Variants in LINGO1 observed in about 807,000 individuals in gnomAD.
The protein encoded by LINGO1 is leucine-rich repeat and immunoglobulin-like domain-containing nogo receptor-interacting protein 1.
In LINGO1, 11 loss-of-function variants were observed where a neutral mutation model predicts 37.3. The ratio of observed to expected loss-of-function variants is 0.29; its 90% confidence interval spans 0.19 to 0.49. The LOEUF is 0.49. LINGO1 is among the 20% of genes least tolerant of loss of function. The probability of loss-of-function intolerance (pLI) is 0.99; values close to 1 mark genes in which losing one functional copy is unlikely to be tolerated. For missense variants in LINGO1, 585 were observed against 878.2 expected (o/e 0.67, Z 4.22); for synonymous variants, 387 against 403.0 (o/e 0.96, Z 0.48).
In LINGO1 at chr15:77,810,417, G is replaced by A. The variant is rs563986038; in HGVS notation, c.-458+9841C>T. On this transcript the variant is annotated intron_variant, in intron 1 of 5. Transcript: ENST00000562933. Reference sequence around the variant, plus strand: ...CAGCGAGGAGGGCAGACTCTAATAGGGGAATCCTAGGCCCATCCCCCAGGA... The same window carrying A: ...CAGCGAGGAGGGCAGACTCTAATAGAGGAATCCTAGGCCCATCCCCCAGGA... 3.4e-4 allele frequency among the ~76,000 whole-genome samples: 52 copies of A among 152,246 alleles called. 1 individual carries two copies. Among genetic ancestry groups the A allele is most frequent in the African/African-American group, 1.2e-3 (48 of 41,552 alleles).
intron 1 of LINGO1, among the ~76,000 whole-genome samples, chr15:77,759,734 C>T (rs1238531849): frequency 3.3e-5 from 5 of 152,252 alleles, no homozygotes; most frequent in Non-Finnish European, 7.3e-5. Flanking sequence ...TGCCAGTTTA[C>T]ATGGGGGCGT....
chr15:77,725,602 A>C (rs2141321423), intron 2 of LINGO1, among the ~76,000 whole-genome samples: 1 of 152,286 alleles, frequency 6.6e-6, no homozygotes, highest in South Asian at 2.1e-4. Flanking sequence ...ATCTTGTTTA[A>C]CCCTCACAAC....
intron 1 of LINGO1, among the ~76,000 whole-genome samples, chr15:77,769,557 C>A (rs1028458566): frequency 1.3e-5 from 2 of 152,144 alleles, no homozygotes; most frequent in Non-Finnish European, 2.9e-5. Context: ...TCCAGCCATA[C>A]CCCAGGTTGA....
intron 1 of LINGO1, among the ~76,000 whole-genome samples, chr15:77,806,088 G>T (rs1387437949): frequency 2.0e-5 from 3 of 152,172 alleles, no homozygotes; most frequent in Non-Finnish European, 4.4e-5. Flanking sequence ...ATCAGTCCTG[G>T]TTGGTGATGT....
At chr15:77,732,302 C>T (rs28502093) in intron 2 of LINGO1, among the ~76,000 whole-genome samples, 16,627 of 152,224 alleles carry the variant, frequency 0.11, 1,039 homozygotes, top group African/African-American at 0.17. Context: ...AGGTGAAAAC[C>T]AACAGCAGCG....
upstream of LINGO1, among the ~76,000 whole-genome samples, chr15:77,790,183 A>G (rs766769593): frequency 4.6e-5 from 7 of 152,174 alleles, no homozygotes; most frequent in Admixed American, 6.5e-5. Context: ...GCAAACTAAT[A>G]CACCCACAGA....
intron 1 of LINGO1, among the ~76,000 whole-genome samples, chr15:77,807,037 A>G (rs572334244): frequency 7.9e-5 from 12 of 152,114 alleles, no homozygotes; most frequent in African/African-American, 2.9e-4. Flanking sequence ...CTCCAGCCAC[A>G]CCCAGCTTCT....
intron 1 of LINGO1, among the ~76,000 whole-genome samples, chr15:77,817,531 C>A (rs1278591463): frequency 6.6e-6 from 1 of 152,148 alleles, no homozygotes; most frequent in African/African-American, 2.4e-5. Flanking sequence ...GGCTTCCAAA[C>A]CATCAAGCAA....
Position 77,743,468 on chromosome 15 carries a change from T to C in LINGO1, c.-256-8415A>G, listed in dbSNP as rs540533464. Among the ~76,000 whole-genome samples the C allele has an allele frequency of 1.3e-4, 20 of 152,236 alleles. No homozygotes were observed. In the East Asian group the frequency reaches 3.7e-3, roughly 28 times the overall value. ...TTCCTGGCCTCAGGCCTGTGCCCTG[T>C]ACCCTACCTTAAAGACAGGTAGGCT... On this transcript the variant is annotated intron_variant, in intron 1 of 3. Coordinates refer to the LINGO1 transcript ENST00000561686.
chr15:77,775,646 C>T (rs1351185317), intron 1 of LINGO1, among the ~76,000 whole-genome samples: 1 of 152,192 alleles, frequency 6.6e-6, no homozygotes, highest in East Asian at 1.9e-4. Flanking sequence ...CTTCCTATCA[C>T]ACTCATTGCT....
At chr15:77,656,481 T>C (rs1432916923) in intron 3 of LINGO1, among the ~76,000 whole-genome samples, 1 of 152,148 alleles carries the variant, frequency 6.6e-6, no homozygotes, top group Admixed American at 6.5e-5. Flanking sequence ...TCATGGCAAC[T>C]CCAGCTCCTC....
chr15:77,636,786 A>G (rs945239158), upstream of LINGO1, among the ~76,000 whole-genome samples: 1 of 152,148 alleles, frequency 6.6e-6, no homozygotes, highest in African/African-American at 2.4e-5. Flanking sequence ...AGAAGCCACC[A>G]CAGAGACCCA....
At chr15:77,796,280 T>C (rs2076872422) in intron 1 of LINGO1, among the ~76,000 whole-genome samples, 1 of 152,192 alleles carries the variant, frequency 6.6e-6, no homozygotes. Context: ...GTGTTGTCAA[T>C]TGTGCATGCC....
intron 1 of LINGO1, among the ~76,000 whole-genome samples, chr15:77,623,119 G>A (rs1445739912): frequency 6.6e-6 from 1 of 152,242 alleles, no homozygotes; most frequent in Non-Finnish European, 1.5e-5. Flanking sequence ...CGAGGGGCAG[G>A]ACTCGCACTC....
chr15:77,664,130 A>T (rs1043469624), intron 3 of LINGO1, among the ~76,000 whole-genome samples: 24 of 130,372 alleles, frequency 1.8e-4, no homozygotes, highest in African/African-American at 6.3e-4. Flanking sequence ...ACACAGGAGC[A>T]GTGTGTGTGT....
chr15:77,789,599 T>G (rs1469409443), upstream of LINGO1, among the ~76,000 whole-genome samples: 1 of 152,050 alleles, frequency 6.6e-6, no homozygotes, highest in Non-Finnish European at 1.5e-5. Flanking sequence ...AGAGTGAGAC[T>G]CCATCTCAAA....
intron 2 of LINGO1, among the ~76,000 whole-genome samples, chr15:77,680,527 C>A (rs2075396681): frequency 6.6e-6 from 1 of 152,146 alleles, no homozygotes; most frequent in Non-Finnish European, 1.5e-5. Flanking sequence ...TTCCCAAATT[C>A]AAGAGTTCCC....
intron 1 of LINGO1, among the ~76,000 whole-genome samples, chr15:77,749,148 T>C (rs377563038): frequency 3.0e-4 from 45 of 152,152 alleles, no homozygotes; most frequent in African/African-American, 1.1e-3. Context: ...CCTTAGGTGA[T>C]CCGCCTGCCT....
At chr15:77,705,142 TCTGC>T (rs1424417160) in intron 2 of LINGO1, among the ~76,000 whole-genome samples, 6 of 116,404 alleles carry the variant, frequency 5.2e-5, no homozygotes, top group African/African-American at 1.9e-4. Context: ...GCCACTGGCC[TCTGC>T]CTGAAGATAC....
Sources: gnomAD v4.1 joint callset for allele counts (sites outside exome capture counted in the v4.1 genomes callset) on GRCh38, gnomAD v4.1.1 for gene constraint, MANE v1.5 for transcripts, NCBI Gene and HGNC (gene_info 2026-07-23, HGNC 2026-07-21) for gene names.